Variants in PACS2 observed in about 807,000 individuals in gnomAD.
The protein encoded by PACS2 is phosphofurin acidic cluster sorting protein 2.
In PACS2, 36 loss-of-function variants were observed where a neutral mutation model predicts 113.0. The ratio of observed to expected loss-of-function variants is 0.32; its 90% CI spans 0.24 to 0.42. The LOEUF is 0.42. PACS2 is among the 10% of genes least tolerant of loss of function. The probability of loss-of-function intolerance (pLI) is 1.00; values close to 1 mark genes in which losing one functional copy is unlikely to be tolerated. For synonymous variants in PACS2, 589 were observed against 536.1 expected (o/e 1.10, Z -1.36); for missense variants, 1,015 against 1,239.5 (o/e 0.82, Z 2.72).
In PACS2 at chr14:105,314,947, C is replaced by A; in HGVS notation, c.29C>A (p.Pro10His). The A allele has an allele frequency of 8.5e-7, 1 of 1,170,748 alleles. No homozygotes were observed. Among genetic ancestry groups the A allele is most frequent in the South Asian group, 1.9e-5 (1 of 53,970 alleles). The allele number at this position is 1,170,748 out of a possible 1,614,324, so 72.5% of individuals were successfully genotyped here. A position where few individuals can be genotyped will look rare whatever the true frequency, so the allele number is the denominator to read the frequency against. Reference sequence around the variant, plus strand: ...GCCGAGCGAGGCCGCCTCGGCCTCCCCGGCGCGCCCGGCGCGCTCAACACG... The same window carrying A: ...GCCGAGCGAGGCCGCCTCGGCCTCCACGGCGCGCCCGGCGCGCTCAACACG... The part of the protein sequence containing the change: MAERGRLGL[P>H]GAPGALNTPV... Residue 10 changes from proline (P) to histidine (H), a missense_variant, in exon 1 of 25, where the codon CCC becomes CAC. Pro to His is a moderately conservative substitution (Grantham distance 77). This residue lies in a region of PACS2 where 140 missense variants were observed against 135.1 expected (regional missense o/e 1.04). Transcript: ENST00000447393.
chr14:105,328,092 A>G (rs2059187417), intron 1 of PACS2, among the ~76,000 whole-genome samples: 3 of 152,264 alleles, frequency 2.0e-5, no homozygotes, highest in African/African-American at 4.8e-5. Context: ...GGTTCCAGTT[A>G]TTCCCTGGGA....
intron 3 of PACS2, among the ~76,000 whole-genome samples, chr14:105,352,816 A>AG: frequency 9.8e-6 from 1 of 102,320 alleles, no homozygotes; most frequent in Admixed American, 1.1e-4. Context: ...GGGCCCCCCC[A>AG]TCACTGTCCC....
chr14:105,317,442 A>G lies in PACS2; in HGVS notation c.119+2405A>G, dbSNP rs1014265222. 2.6e-5 allele frequency among the ~76,000 whole-genome samples: 4 copies of G among 152,140 alleles called. No individual in the cohort carries two copies. Among genetic ancestry groups the G allele is most frequent in the South Asian group, 2.1e-4 (1 of 4,826 alleles). ...AGTGGTTGTGCCTGCTCCGGCCCCC[A>G]CTGACAGGGACGAGAGTCCCCACTG... On this transcript the variant is annotated intron_variant, in intron 1 of 24. Coordinates refer to ENST00000447393, the MANE Select transcript of PACS2 (RefSeq NM_001100913.3). The surrounding 1 kb of genome is among the most constrained non-coding windows in gnomAD (Gnocchi z 4.2).
chr14:105,348,428 C>G lies in PACS2; in HGVS notation c.120-65C>G. ...CTCCCGGGGTGACACAGTGCTGGGA[C>G]GGCACAGGGCCGCGTCCTGAGGAGA... On this transcript the variant is annotated intron_variant, in intron 1 of 24. Coordinates refer to ENST00000447393, the MANE Select transcript of PACS2 (RefSeq NM_001100913.3). This position sits in a 1 kb window ranked among gnomAD's most constrained non-coding sequence, Gnocchi z 6.4. 1 of 1,275,980 alleles carries G rather than the reference C, an allele frequency of 7.8e-7. No individual in the cohort carries two copies. Among genetic ancestry groups the G allele is most frequent in the Non-Finnish European group, 1.1e-6 (1 of 885,844 alleles). 79.0% of individuals were successfully genotyped at this position (1,275,980 alleles called of 1,614,324 possible).
chr14:105,368,607 C>T (rs587723997), intron 7 of PACS2, 68 bp downstream of exon 7: 72 of 1,214,882 alleles, frequency 5.9e-5, no homozygotes, highest in Middle Eastern at 1.9e-4. Context: ...GGAGCCTGGG[C>T]GTGGGGGGGA....
At chr14:105,394,157 G>A (rs1024243708) in intron 24 of PACS2, 6 of 982,050 alleles carry the variant, frequency 6.1e-6, no homozygotes, top group Middle Eastern at 1.0e-3. Flanking sequence ...CCAGGTCGAC[G>A]TGGCCCTGTC....
At chr14:105,316,406 C>T (rs587633577) in intron 1 of PACS2, among the ~76,000 whole-genome samples, 2 of 152,346 alleles carry the variant, frequency 1.3e-5, no homozygotes, top group African/African-American at 4.8e-5. Flanking sequence ...AATGTCAGGT[C>T]CCACAGCCCC....
At chr14:105,331,195 T>C (rs2059292045) in intron 1 of PACS2, among the ~76,000 whole-genome samples, 1 of 152,230 alleles carries the variant, frequency 6.6e-6, no homozygotes, top group Non-Finnish European at 1.5e-5. Flanking sequence ...CCTCAGGTGA[T>C]CTGCCTGCCT....
At chr14:105,387,324 C>T (rs1003011890) in intron 19 of PACS2, among the ~76,000 whole-genome samples, 18 of 152,240 alleles carry the variant, frequency 1.2e-4, no homozygotes, top group African/African-American at 3.9e-4. Flanking sequence ...CCGAGAATGG[C>T]ACTCCTCCTA....
chr14:105,355,231 G>A lies in PACS2; in HGVS notation c.423+54G>A. On this transcript the variant is annotated intron_variant, in intron 4 of 24. Coordinates refer to ENST00000447393, the MANE Select transcript of PACS2 (RefSeq NM_001100913.3). This position sits in a 1 kb window ranked among gnomAD's most constrained non-coding sequence, Gnocchi z 4.1. ...TCGGGCTGGCCACCTGGGTGCCAGA[G>A]CATTCGCCCGTGGGAGATGGAGATG... 7 of 1,580,130 alleles carry A rather than the reference G, an allele frequency of 4.4e-6. No homozygotes were observed. In the South Asian group the frequency reaches 6.9e-5, roughly 15 times the overall value.
upstream of PACS2, among the ~76,000 whole-genome samples, chr14:105,311,982 G>A (rs1451913583): frequency 6.6e-6 from 1 of 152,240 alleles, no homozygotes; most frequent in Non-Finnish European, 1.5e-5. Flanking sequence ...CCTCAGCCCA[G>A]CTCCTGGCAG....
intron 1 of PACS2, among the ~76,000 whole-genome samples, chr14:105,322,727 ATGT>A (rs2058947510): frequency 6.6e-6 from 1 of 152,206 alleles, no homozygotes; most frequent in Non-Finnish European, 1.5e-5. Context: ...AGCCCACAAG[ATGT>A]TGTTACTGCT....
chr14:105,364,359 G>A (rs2060854335), intron 4 of PACS2, among the ~76,000 whole-genome samples: 3 of 137,980 alleles, frequency 2.2e-5, no homozygotes, highest in African/African-American at 8.3e-5. Flanking sequence ...GCGGTGTCCC[G>A]GGTGCACGGT....
chr14:105,334,424 CCT>C (rs2059424234), intron 1 of PACS2, among the ~76,000 whole-genome samples: 1 of 152,216 alleles, frequency 6.6e-6, no homozygotes, highest in African/African-American at 2.4e-5. Flanking sequence ...CACCCTCTTC[CCT>C]CTGTCTGTGT....
Position 105,317,213 on chromosome 14 carries a change from G to A in PACS2, c.119+2176G>A, listed in dbSNP as rs904013362. Among the ~76,000 whole-genome samples, 3 of 152,182 alleles carry A rather than the reference G, an allele frequency of 2.0e-5. No individual in the cohort carries two copies. The highest frequency in any genetic ancestry group is 4.8e-5 in the African/African-American group (2 of 41,426). On this transcript the variant is annotated intron_variant, in intron 1 of 24. Coordinates refer to ENST00000447393, the MANE Select transcript of PACS2 (RefSeq NM_001100913.3). The surrounding 1 kb of genome is among the most constrained non-coding windows in gnomAD (Gnocchi z 4.2). ...CTATTCACTGGCGTGACAGTACCTC[G>A]GCTTTGCTTCTGTCAAGGGACCTTG... is the stretch of plus-strand genomic sequence containing the variant.
intron 2 of PACS2, among the ~76,000 whole-genome samples, chr14:105,349,358 C>T (rs2060067348): frequency 6.6e-6 from 1 of 152,236 alleles, no homozygotes; most frequent in African/African-American, 2.4e-5. Flanking sequence ...GTGTGGCCGT[C>T]CAGCGTGACA....
At position 105,314,881 on chromosome 14, in the gene PACS2, C is replaced by T. The variant is rs1038895755; in HGVS notation, c.-38C>T. On this transcript the variant is annotated 5_prime_UTR_variant, in exon 1 of 25. Coordinates refer to ENST00000447393, the MANE Select transcript of PACS2 (RefSeq NM_001100913.3). Reference sequence around the variant, plus strand: ...CCGCCGCGCGTCCGCGGCCCGGCCGCAGCCCCAGGCCGCCGAGGGAGCGGC... The same window carrying T: ...CCGCCGCGCGTCCGCGGCCCGGCCGTAGCCCCAGGCCGCCGAGGGAGCGGC... 5.1e-5 allele frequency: 48 copies of T among 939,630 alleles called. No individual in the cohort carries two copies. The highest frequency in any genetic ancestry group is 5.9e-5 in the Non-Finnish European group (47 of 791,944). 58.2% of individuals were successfully genotyped at this position (939,630 alleles called of 1,614,324 possible). A position where few individuals can be genotyped will look rare whatever the true frequency, so the allele number is the denominator to read the frequency against.
chr14:105,384,908 A>G lies in PACS2; in HGVS notation c.1921A>G (p.Ile641Val). The G allele has an allele frequency of 6.3e-7, 1 of 1,598,458 alleles. No individual in the cohort carries two copies. The highest frequency in any genetic ancestry group is 1.3e-5 in the African/African-American group (1 of 74,824). Reference sequence around the variant, plus strand: ...GGACACGCCAGACATTGTGTCACGCATCACGCAGTACATCGCAGGGGCCAA... The same window carrying G: ...GGACACGCCAGACATTGTGTCACGCGTCACGCAGTACATCGCAGGGGCCAA... Reference protein sequence around the residue: ...VQDTPDIVSRITQYIAGANCA... With the variant: ...VQDTPDIVSRVTQYIAGANCA... Residue 641 changes from isoleucine (I) to valine (V), a missense_variant, in exon 18 of 25, where the codon ATC becomes GTC. This residue lies in a region of PACS2 where 859 missense variants were observed against 1,056.8 expected (regional missense o/e 0.81). Coordinates refer to ENST00000447393, the MANE Select transcript of PACS2 (RefSeq NM_001100913.3).
At position 105,380,985 on chromosome 14, in the gene PACS2, G is replaced by A; in HGVS notation, c.1154G>A (p.Gly385Glu). ...LGVPGPREHPGQPEDSPEAEA... is the reference protein window; with the variant it reads ...LGVPGPREHPEQPEDSPEAEA... ...GTGCCAGGCCCGAGGGAGCACCCTG[G>A]ACAGCCTGAGGACAGCCCCGAGGCT... The change falls in exon 12 of 25, where the codon GGA becomes GAA. Residue 385 changes from glycine to glutamate, a missense_variant. Physicochemically the swap from Gly to Glu is moderately conservative, Grantham distance 98. This residue lies in a region of PACS2 where 859 missense variants were observed against 1,056.8 expected (regional missense o/e 0.81). Transcript: ENST00000447393. 6.2e-7 allele frequency: 1 copy of A among 1,612,308 alleles called. No individual in the cohort carries two copies. The highest frequency in any genetic ancestry group is 8.5e-7 in the Non-Finnish European group (1 of 1,179,648).
Sources: gnomAD v4.1 joint callset for allele counts (sites outside exome capture counted in the v4.1 genomes callset) on GRCh38, gnomAD v4.1.1 for gene constraint, gnomAD v4.1.1 regional missense constraint, Gnocchi (gnomAD v3.1) non-coding constraint, MANE v1.5 for transcripts, NCBI Gene and HGNC (gene_info 2026-07-23, HGNC 2026-07-21) for gene names.